SOX6: variants seen among roughly 807,000 people sequenced by gnomAD.
The protein encoded by SOX6 is SRY-box transcription factor 6.
SOX6 carries 11 observed loss-of-function variants against 97.8 expected under a neutral mutation model. The observed-to-expected ratio is 0.11, with a 90% CI of 0.07 to 0.19. The LOEUF (loss-of-function observed/expected upper bound fraction) is 0.19. Among genes scored for constraint, SOX6 ranks in the 10% least tolerant of loss-of-function variants. The pLI is 1.00. For missense variants in SOX6, 810 were observed against 1,039.5 expected (o/e 0.78, Z 3.04); for synonymous variants, 360 against 371.4 (o/e 0.97, Z 0.35).
intron 15 of SOX6, among the ~76,000 whole-genome samples, chr11:15,980,803 G>T (rs35038372): frequency 1.2e-4 from 18 of 151,714 alleles, no homozygotes; most frequent in Non-Finnish European, 1.8e-4. Flanking sequence ...AGCTTTATTT[G>T]CTCTTGTCTA....
At position 16,111,875 on chromosome 11, in the gene SOX6, G is replaced by T. The variant is rs1849239292; in HGVS notation, c.826C>A (p.Gln276Lys). Residue 276 changes from glutamine to lysine, a missense_variant, in exon 7 of 16, where the codon CAG (glutamine) becomes AAG (lysine). Coordinates refer to ENST00000683767, the MANE Select transcript of SOX6 (RefSeq NM_001367873.1). ...PLMIPIFPHD[Q>K]RTLAAAAAAQ... ...GCAGCAGCTGCTGCCAGAGTCCGCT[G>T]GTCATGTGGAAAAATTGGGATCATG... The T allele has an allele frequency of 1.2e-6, 2 of 1,612,558 alleles. No homozygotes were observed. Among genetic ancestry groups the T allele is most frequent in the African/African-American group, 1.3e-5 (1 of 74,850 alleles).
chr11:16,523,138 A>G (rs1861098668), intron 4 of SOX6, among the ~76,000 whole-genome samples: 1 of 152,060 alleles, frequency 6.6e-6, no homozygotes, highest in African/African-American at 2.4e-5. Context: ...GACCTAATAG[A>G]CATCTACAGG....
intron 15 of SOX6, among the ~76,000 whole-genome samples, chr11:15,979,286 A>C (rs1358933864): frequency 1.3e-5 from 2 of 151,790 alleles, no homozygotes; most frequent in Non-Finnish European, 2.9e-5. Flanking sequence ...GTTCTTCTTC[A>C]GGAATACATC....
intron 3 of SOX6, among the ~76,000 whole-genome samples, chr11:16,701,435 A>G (rs1448978179): frequency 6.6e-6 from 1 of 152,188 alleles, no homozygotes; most frequent in East Asian, 1.9e-4. Flanking sequence ...TATTACACCT[A>G]TTTAATCATG....
intron 4 of SOX6, among the ~76,000 whole-genome samples, chr11:16,525,685 G>C (rs1861147227): frequency 6.6e-6 from 1 of 151,802 alleles, no homozygotes; most frequent in Non-Finnish European, 1.5e-5. Flanking sequence ...TACCATCAGA[G>C]TGAACAGGCA....
At chr11:16,408,534 C>CA (rs1351901889) in intron 1 of SOX6, among the ~76,000 whole-genome samples, 29 of 152,052 alleles carry the variant, frequency 1.9e-4, no homozygotes, top group African/African-American at 6.5e-4. Context: ...GAAGAACAGA[C>CA]AAGGACAGAA....
chr11:16,219,797 C>T (rs1852485609), intron 4 of SOX6, among the ~76,000 whole-genome samples: 1 of 151,764 alleles, frequency 6.6e-6, no homozygotes, highest in Admixed American at 6.6e-5. Context: ...CATAGCTATC[C>T]CTTGAGACTT....
At chr11:16,319,266 T>C (rs551259933) in intron 2 of SOX6, among the ~76,000 whole-genome samples, 1 of 152,320 alleles carries the variant, frequency 6.6e-6, no homozygotes, top group Non-Finnish European at 1.5e-5. Flanking sequence ...TTTTTCTAGC[T>C]ACACAGCTGT....
At chr11:16,134,046 T>C (rs891476959) in intron 6 of SOX6, among the ~76,000 whole-genome samples, 1 of 152,262 alleles carries the variant, frequency 6.6e-6, no homozygotes, top group Non-Finnish European at 1.5e-5. Flanking sequence ...ATTATAGTAA[T>C]AAAGGCTACA....
At chr11:16,370,511 CA>C (rs1263527282) in intron 1 of SOX6, among the ~76,000 whole-genome samples, 1 of 151,872 alleles carries the variant, frequency 6.6e-6, no homozygotes, top group African/African-American at 2.4e-5. Context: ...AAAATAGAAC[CA>C]AAAAAATGGA....
At chr11:16,170,338 T>C (rs1361783748) in intron 6 of SOX6, among the ~76,000 whole-genome samples, 1 of 151,990 alleles carries the variant, frequency 6.6e-6, no homozygotes, top group Non-Finnish European at 1.5e-5. Flanking sequence ...TTCTCTTTCT[T>C]ATACAACTTC....
intron 10 of SOX6, among the ~76,000 whole-genome samples, chr11:16,051,317 C>T (rs542868905): frequency 2.0e-5 from 3 of 152,228 alleles, no homozygotes. Context: ...GACAAAATCG[C>T]TTGTCTAAGG....
At chr11:16,714,080 T>C (rs1848199932) in intron 3 of SOX6, among the ~76,000 whole-genome samples, 1 of 152,232 alleles carries the variant, frequency 6.6e-6, no homozygotes, top group African/African-American at 2.4e-5. Flanking sequence ...CAAAGAATTC[T>C]ACATAATTTT....
intron 7 of SOX6, among the ~76,000 whole-genome samples, chr11:16,098,158 T>C (rs1049667148): frequency 2.0e-5 from 3 of 151,708 alleles, no homozygotes; most frequent in African/African-American, 7.3e-5. Flanking sequence ...TAAACAAGTT[T>C]AAAAATTAAA....
chr11:16,505,975 G>C (rs1485250790), intron 4 of SOX6, among the ~76,000 whole-genome samples: 2 of 152,220 alleles, frequency 1.3e-5, no homozygotes, highest in Non-Finnish European at 2.9e-5. Context: ...TGCAGGTTCA[G>C]AGCATTCATG....
At position 16,014,305 on chromosome 11, in the gene SOX6, G is replaced by C. The variant is rs1393171217; in HGVS notation, c.1732+637C>G. Among the ~76,000 whole-genome samples the C allele has an allele frequency of 2.0e-5, 3 of 152,192 alleles. No individual in the cohort carries two copies. In the East Asian group the frequency reaches 5.8e-4, roughly 30 times the overall value. On this transcript the variant is annotated intron_variant, in intron 13 of 15. Transcript: ENST00000683767. ...GGGTAAACATTCTGAGAGGAAGGCT[G>C]GTCTTTCCACCCAGACTTCTGAAAG...
At chr11:16,465,505 G>T (rs891833143) in intron 1 of SOX6, among the ~76,000 whole-genome samples, 1 of 152,034 alleles carries the variant, frequency 6.6e-6, no homozygotes, top group African/African-American at 2.4e-5. Flanking sequence ...TGAAACATCA[G>T]AATACTAGTG....
At chr11:16,235,258 T>C (rs887943964) in intron 3 of SOX6, among the ~76,000 whole-genome samples, 2 of 152,078 alleles carry the variant, frequency 1.3e-5, no homozygotes, top group Non-Finnish European at 2.9e-5. Context: ...TAAAAACTGA[T>C]ACATATTTTT....
chr11:16,006,485 CGATTCT>C (rs1854558663), intron 13 of SOX6, among the ~76,000 whole-genome samples: 1 of 152,028 alleles, frequency 6.6e-6, no homozygotes, highest in Non-Finnish European at 1.5e-5. Context: ...ATGAAAAAGA[CGATTCT>C]TCCCTTCTGG....
Sources: allele counts gnomAD v4.1 joint callset (sites outside exome capture counted in the v4.1 genomes callset), GRCh38; gene constraint gnomAD v4.1.1; transcripts MANE v1.5; gene names NCBI Gene and HGNC (gene_info 2026-07-23, HGNC 2026-07-21).